The following PCBP2 variants were observed in gnomAD, a reference collection of about 807,000 sequenced individuals.
The protein encoded by PCBP2 is poly(rC) binding protein 2, also known as poly(rC)-binding protein 2.
A neutral mutation model predicts 50.1 loss-of-function variants in PCBP2; 4 were observed. That is an observed-to-expected ratio of 0.08 (90% confidence interval 0.04 to 0.18). PCBP2 has a LOEUF of 0.18. Ranked by LOEUF, PCBP2 falls within the 10% of genes least tolerant of loss-of-function variation. The pLI, the probability that PCBP2 is intolerant of heterozygous loss-of-function variation, is 1.00. For missense variants in PCBP2, 161 were observed against 474.3 expected (o/e 0.34, Z 6.14); for synonymous variants, 179 against 168.0 (o/e 1.07, Z -0.51).
chr12:53,460,285 G>A (rs999903044), intron 6 of PCBP2: 13 of 284,960 alleles, frequency 4.6e-5, no homozygotes, highest in South Asian at 1.4e-4. Flanking sequence ...TACCATAGGC[G>A]CGCTCCACAA....
intron 1 of PCBP2, chr12:53,454,497 C>A: frequency 3.1e-6 from 1 of 326,858 alleles, no homozygotes; most frequent in Non-Finnish European, 5.8e-6. Context: ...TGAGAGTCAG[C>A]GGAAACCCTG....
In PCBP2 at chr12:53,465,820, C is replaced by G. The variant is rs1366426219; in HGVS notation, c.673-112C>G. 6.2e-6 allele frequency: 5 copies of G among 803,244 alleles called. No homozygotes were observed. The Admixed American group carries it at 7.7e-5, about 12-fold the overall frequency. The allele number at this position is 803,244 out of a possible 1,614,324, so 49.8% of individuals were successfully genotyped here. On this transcript the variant is annotated intron_variant, in intron 9 of 14. Coordinates refer to ENST00000546463, the MANE Select transcript of PCBP2 (RefSeq NM_031989.5). ...TCTACTGCCTCAATCTCTGGCCTCC[C>G]CCATTCTCTAGTTCAACTCTGGCTT...
At chr12:53,458,603 G>T (rs377183394) in intron 5 of PCBP2, among the ~76,000 whole-genome samples, 2 of 151,324 alleles carry the variant, frequency 1.3e-5, no homozygotes, top group Non-Finnish European at 2.9e-5. Context: ...CGCCGTGCCC[G>T]GTCTGTTTTA....
intron 8 of PCBP2, among the ~76,000 whole-genome samples, chr12:53,463,648 G>C (rs1941607057): frequency 6.6e-6 from 1 of 152,120 alleles, no homozygotes; most frequent in African/African-American, 2.4e-5. Flanking sequence ...GTTTCTATGG[G>C]GGGAATCCTA....
At chr12:53,467,093 A>G (rs1207431720) in intron 10 of PCBP2, 128 bp from the exon 11 acceptor site, 6 of 666,350 alleles carry the variant, frequency 9.0e-6, no homozygotes, top group Admixed American at 2.5e-5. Flanking sequence ...CCCCATCCCT[A>G]CCCTCTGTTG....
chr12:53,459,239 A>T, intron 5 of PCBP2, 33 bp from the exon 6 acceptor site: 5 of 1,555,808 alleles, frequency 3.2e-6, no homozygotes, highest in East Asian at 2.3e-5. Context: ...GTTTCCAGGG[A>T]TCTGCTTATT....
chr12:53,471,969 A>AAAAAGTAAACTGCAGTAAGTTTTC (rs1942268374), intron 14 of PCBP2, among the ~76,000 whole-genome samples, 162 bp downstream of exon 14: 5 of 147,456 alleles, frequency 3.4e-5, no homozygotes, highest in Non-Finnish European at 7.5e-5. Context: ...AGTGTAGCAG[A>AAAAAGTAAACTGCAGTAAGTTTTC]AAAAGTAAAC....
At position 53,467,226 on chromosome 12, in the gene PCBP2, C is replaced by A. The variant is rs757507988; in HGVS notation, c.720C>A (p.Thr240=). The A allele has an allele frequency of 2.0e-5, 33 of 1,612,798 alleles. No individual in the cohort carries two copies. The highest frequency in any genetic ancestry group is 1.6e-4 in the Middle Eastern group (1 of 6,076). The change falls in exon 11 of 15, where the codon ACC becomes ACA. Residue 240 remains threonine (T), a synonymous_variant. Transcript: ENST00000546463. ...CTCCTGTTTCCTCCTTGCAGTTGAC[C>A]AAGCTGCACCAGTTGGCAATGCAAC... is the stretch of plus-strand genomic sequence containing the variant. ...GQYAIPQPDL[T]KLHQLAMQQS...
Position 53,479,389 on chromosome 12 carries a change from T to A in PCBP2, c.1053-17T>A, listed in dbSNP as rs1465493510. On this transcript the variant is annotated splice_polypyrimidine_tract_variant and intron_variant, in intron 14 of 14. Transcript: ENST00000546463. ...AGCACTGGGGAAACTAACTGAGTTC[T>A]TGTTTCTGTGTTACAGGCTTTCCTC... is the stretch of plus-strand genomic sequence containing the variant. 6.2e-7 allele frequency: 1 copy of A among 1,613,556 alleles called. No individual in the cohort carries two copies. The highest frequency in any genetic ancestry group is 2.2e-5 in the East Asian group (1 of 44,886).
At chr12:53,469,944 C>A (rs545354999) in intron 13 of PCBP2, among the ~76,000 whole-genome samples, 18 of 151,798 alleles carry the variant, frequency 1.2e-4, no homozygotes, top group Non-Finnish European at 2.1e-4. Context: ...TGGGGTTTCT[C>A]CATGTTGGTC....
Position 53,479,670 on chromosome 12 carries a change from G to GGTTTTTTTTTTGTTTT in PCBP2, c.*239_*240insGTTTTGTTTTTTTTTT. 3.5e-6 allele frequency: 1 copy of GGTTTTTTTTTTGTTTT among 282,574 alleles called. No individual in the cohort carries two copies. The highest frequency in any genetic ancestry group is 6.5e-6 in the Non-Finnish European group (1 of 153,386). The allele number at this position is 282,574 out of a possible 1,614,324, so 17.5% of individuals were successfully genotyped here. On this transcript the variant is annotated 3_prime_UTR_variant, in exon 15 of 15. Transcript: ENST00000546463. ...TATTTAGTTTTATAAGCTTCTCCCT[G>GGTTTTTTTTTTGTTTT]GTTTTTTTTTTTTGGCTCATGAATT...
intron 10 of PCBP2, 51 bp from the exon 11 acceptor site, chr12:53,467,170 C>A: frequency 7.0e-7 from 1 of 1,421,454 alleles, no homozygotes; most frequent in South Asian, 1.2e-5. Context: ...TGTGCTTGAG[C>A]CCTGGCTCTG....
chr12:53,475,849 C>T (rs1164378186), intron 14 of PCBP2: 1 of 152,200 alleles, frequency 6.6e-6, no homozygotes, highest in Admixed American at 6.5e-5. Context: ...TGGCAACAAG[C>T]TTCACTAGTG....
At chr12:53,452,630 G>GGCGC (rs1565852869) in intron 1 of PCBP2, among the ~76,000 whole-genome samples, 1 of 151,408 alleles carries the variant, frequency 6.6e-6, no homozygotes, top group Admixed American at 6.6e-5. Context: ...AGTCAGGGAG[G>GGCGC]GCGCGCGCGC....
intron 5 of PCBP2, among the ~76,000 whole-genome samples, chr12:53,458,036 C>T (rs970779503): frequency 6.6e-6 from 1 of 152,016 alleles, no homozygotes; most frequent in African/African-American, 2.4e-5. Context: ...TCAAGCGATT[C>T]TCCTGCCTCG....
chr12:53,479,596 T>A lies in PCBP2; in HGVS notation c.*154T>A. The stretch of plus-strand genomic sequence containing the variant: ...TATCATCCACTCGTGATTTTTTAAT[T>A]AAAGCGTTTTAATTCCTTTCTCTGT... On this transcript the variant is annotated 3_prime_UTR_variant, in exon 15 of 15. Transcript: ENST00000546463. 1 of 573,908 alleles carries A rather than the reference T, an allele frequency of 1.7e-6. No homozygotes were observed. Among genetic ancestry groups the A allele is most frequent in the Non-Finnish European group, 3.2e-6 (1 of 316,978 alleles). 35.6% of individuals were successfully genotyped at this position (573,908 alleles called of 1,614,324 possible).
chr12:53,465,087 C>T, intron 9 of PCBP2: 1 of 381,720 alleles, frequency 2.6e-6, no homozygotes, highest in South Asian at 7.6e-5. Context: ...CCCTCTTCCC[C>T]TCTCCCACTC....
chr12:53,468,594 G>A, intron 12 of PCBP2, 183 bp from the exon 13 acceptor site: 2 of 593,218 alleles, frequency 3.4e-6, no homozygotes, highest in Non-Finnish European at 3.0e-6. Context: ...AGAACCTTTC[G>A]AGCATTATTT....
chr12:53,471,964 A>C (rs1268080892), intron 14 of PCBP2, among the ~76,000 whole-genome samples, 157 bp downstream of exon 14: 1 of 139,364 alleles, frequency 7.2e-6, no homozygotes, highest in East Asian at 2.1e-4. Context: ...CTTAGAGTGT[A>C]GCAGAAAAAG....
Sources: gnomAD v4.1 joint callset for allele counts (sites outside exome capture counted in the v4.1 genomes callset) on GRCh38, gnomAD v4.1.1 for gene constraint, MANE v1.5 for transcripts, NCBI Gene and HGNC (gene_info 2026-07-23, HGNC 2026-07-21) for gene names.